Variants in ERBB4 observed in about 807,000 individuals in gnomAD.
ERBB4 encodes receptor tyrosine-protein kinase erbB-4.
In ERBB4, 42 loss-of-function variants were observed where a neutral mutation model predicts 158.0. The observed-to-expected ratio is 0.27, with a 90% CI of 0.21 to 0.34. The LOEUF is 0.34. Ranked by LOEUF, ERBB4 falls within the 10% of genes least tolerant of loss-of-function variation. The pLI is 1.00. For synonymous variants in ERBB4, 583 were observed against 558.7 expected, an observed-to-expected ratio of 1.04 and a Z score of -0.61; for missense variants, 1,333 against 1,624.1, an observed-to-expected ratio of 0.82 and a Z score of 3.08.
intron 10 of ERBB4, among the ~76,000 whole-genome samples, chr2:211,704,837 G>T (rs546246038): frequency 1.3e-5 from 2 of 152,148 alleles, no homozygotes; most frequent in Non-Finnish European, 2.9e-5. Flanking sequence ...TTCAAAATGT[G>T]CATAAAAGCT....
intron 1 of ERBB4, among the ~76,000 whole-genome samples, chr2:212,267,677 C>T (rs917601561): frequency 6.8e-6 from 1 of 147,662 alleles, no homozygotes; most frequent in African/African-American, 2.5e-5. Context: ...TATACATGTG[C>T]CATGCTGGTG....
chr2:211,648,261 A>G (rs900858742), intron 16 of ERBB4, among the ~76,000 whole-genome samples: 2 of 151,686 alleles, frequency 1.3e-5, no homozygotes, highest in Non-Finnish European at 3.0e-5. Flanking sequence ...TACTCAGGAC[A>G]AAAACCCAGG....
intron 20 of ERBB4, among the ~76,000 whole-genome samples, chr2:211,518,434 T>C (rs2066096961): frequency 6.6e-6 from 1 of 152,066 alleles, no homozygotes; most frequent in Admixed American, 6.5e-5. Flanking sequence ...GGCGGGCAGA[T>C]CACAAAGTCA....
intron 20 of ERBB4, among the ~76,000 whole-genome samples, chr2:211,453,919 T>C (rs942975204): frequency 2.0e-5 from 3 of 152,178 alleles, no homozygotes; most frequent in Non-Finnish European, 4.4e-5. Context: ...ATAGTAGTTT[T>C]AGGAATAGTA....
intron 1 of ERBB4, among the ~76,000 whole-genome samples, chr2:212,317,084 A>G (rs1166758667): frequency 6.6e-6 from 1 of 151,538 alleles, no homozygotes; most frequent in Non-Finnish European, 1.5e-5. Flanking sequence ...CTAAAAATGT[A>G]AAATTGTTGA....
At chr2:211,679,423 T>C (rs1427388000) in intron 12 of ERBB4, among the ~76,000 whole-genome samples, 1 of 152,166 alleles carries the variant, frequency 6.6e-6, no homozygotes, top group Non-Finnish European at 1.5e-5. Context: ...CAAAAGTGAA[T>C]TGCCTATATA....
At chr2:212,082,305 T>A (rs1222626462) in intron 2 of ERBB4, among the ~76,000 whole-genome samples, 2 of 152,160 alleles carry the variant, frequency 1.3e-5, no homozygotes, top group East Asian at 1.9e-4. Flanking sequence ...TTAAAATATA[T>A]TGTGTTTAAT....
At chr2:212,387,453 A>ATTTTTT (rs34316082) in intron 1 of ERBB4, among the ~76,000 whole-genome samples, 1 of 128,864 alleles carries the variant, frequency 7.8e-6, no homozygotes. Flanking sequence ...GTTAGAACAC[A>ATTTTTT]TTTTTTTTTT....
intron 1 of ERBB4, among the ~76,000 whole-genome samples, chr2:212,479,407 C>T (rs1408027933): frequency 2.6e-5 from 4 of 152,090 alleles, no homozygotes; most frequent in Non-Finnish European, 2.9e-5. Flanking sequence ...TGCTCTGAAA[C>T]ATAGTACCTT....
At chr2:211,592,767 T>G (rs1364274863) in intron 19 of ERBB4, among the ~76,000 whole-genome samples, 1 of 152,106 alleles carries the variant, frequency 6.6e-6, no homozygotes, top group Admixed American at 6.5e-5. Flanking sequence ...ATCCCAGCAC[T>G]TTGGGAGGCC....
intron 20 of ERBB4, among the ~76,000 whole-genome samples, chr2:211,476,333 TA>T (rs1343786110): frequency 6.6e-6 from 1 of 152,006 alleles, no homozygotes; most frequent in Non-Finnish European, 1.5e-5. Flanking sequence ...GAGTGCTCAA[TA>T]AAAAAATGCA....
chr2:211,835,674 A>G (rs1421986345), intron 3 of ERBB4, among the ~76,000 whole-genome samples: 1 of 152,086 alleles, frequency 6.6e-6, no homozygotes, highest in Admixed American at 6.6e-5. Context: ...CAGTCTTTGA[A>G]TTCCTATGTC....
chr2:212,073,717 A>C (rs1386928621), intron 2 of ERBB4, among the ~76,000 whole-genome samples: 2 of 152,006 alleles, frequency 1.3e-5, no homozygotes, highest in Non-Finnish European at 1.5e-5. Flanking sequence ...AGGCAGGTTC[A>C]GTGAGAGACA....
At chr2:211,858,822 G>A (rs1235253722) in intron 3 of ERBB4, among the ~76,000 whole-genome samples, 6 of 152,022 alleles carry the variant, frequency 3.9e-5, no homozygotes, top group Admixed American at 1.3e-4. Context: ...TTGCTCTGTC[G>A]CCTGGGCTGG....
At chr2:211,946,676 A>G (rs953183826) in intron 3 of ERBB4, among the ~76,000 whole-genome samples, 5 of 124,232 alleles carry the variant, frequency 4.0e-5, no homozygotes, top group African/African-American at 1.5e-4. Flanking sequence ...GCTCATTTTG[A>G]TTACAGGTAT....
chr2:211,532,371 T>C (rs1171814412), intron 20 of ERBB4, among the ~76,000 whole-genome samples: 1 of 152,096 alleles, frequency 6.6e-6, no homozygotes, highest in African/African-American at 2.4e-5. Context: ...ATGCATTGCA[T>C]ACCTGTATTG....
At chr2:212,188,940 A>C (rs1335285566) in intron 1 of ERBB4, among the ~76,000 whole-genome samples, 1 of 152,058 alleles carries the variant, frequency 6.6e-6, no homozygotes, top group African/African-American at 2.4e-5. Flanking sequence ...AAGAGCTAAA[A>C]ATATATAAAC....
At chr2:211,995,688 T>C (rs1212189216) in intron 2 of ERBB4, among the ~76,000 whole-genome samples, 1 of 152,166 alleles carries the variant, frequency 6.6e-6, no homozygotes, top group Non-Finnish European at 1.5e-5. Context: ...ACTGCTTGTA[T>C]CTCAGGTACA....
At chr2:212,356,485 C>T (rs541721575) in intron 1 of ERBB4, among the ~76,000 whole-genome samples, 118 of 152,076 alleles carry the variant, frequency 7.8e-4, no homozygotes, top group South Asian at 2.1e-3. Context: ...TCCTCCTCCT[C>T]CCAATGGCAA....
Sources: allele counts gnomAD v4.1 joint callset (sites outside exome capture counted in the v4.1 genomes callset), GRCh38; gene constraint gnomAD v4.1.1; transcripts MANE v1.5; gene names NCBI Gene and HGNC (gene_info 2026-07-23, HGNC 2026-07-21).